Variants in SNTB1 observed in about 807,000 individuals in gnomAD.
The protein encoded by SNTB1 is syntrophin beta 1, also known as beta-1-syntrophin.
Under a neutral mutation model 48.9 loss-of-function variants are expected in SNTB1, and 36 were observed. The observed-to-expected ratio is 0.74, with a 90% CI of 0.56 to 0.97. SNTB1 has a LOEUF of 0.97. Ranked by LOEUF, SNTB1 falls within the 50% of genes least tolerant of loss-of-function variation. The pLI is 0.00. For synonymous variants in SNTB1, 299 were observed against 294.6 expected (o/e 1.01, Z -0.15); for missense variants, 786 against 703.4 (o/e 1.12, Z -1.33).
intron 2 of SNTB1, among the ~76,000 whole-genome samples, chr8:120,649,899 C>T (rs1462403455): frequency 6.6e-5 from 10 of 152,162 alleles, no homozygotes; most frequent in Admixed American, 3.3e-4. Flanking sequence ...CTCGGAAAAG[C>T]GCAGTATTCG....
intron 1 of SNTB1, among the ~76,000 whole-genome samples, chr8:120,805,146 G>T (rs560256896): frequency 1.2e-4 from 18 of 152,260 alleles, no homozygotes; most frequent in African/African-American, 4.3e-4. Context: ...TAAAGGTGCG[G>T]TTCATCATCT....
chr8:120,758,142 G>C lies in SNTB1; in HGVS notation c.571+53131C>G, dbSNP rs563369837. Among the ~76,000 whole-genome samples, 5 of 152,280 alleles carry C rather than the reference G, an allele frequency of 3.3e-5. No homozygotes were observed. In the South Asian group the frequency reaches 1.0e-3, roughly 32 times the overall value. On this transcript the variant is annotated intron_variant, in intron 1 of 6. Coordinates refer to ENST00000517992, the MANE Select transcript of SNTB1 (RefSeq NM_021021.4). The stretch of plus-strand genomic sequence containing the variant: ...ATAGAGAAAAGGAAGGAGGGAAAAA[G>C]ATGAAAAATTAATTATTGATTTCCA...
In SNTB1 at chr8:120,538,418, A is replaced by G. The variant is rs984898474; in HGVS notation, c.*459T>C. The G allele has an allele frequency of 5.0e-6, 1 of 200,810 alleles. No individual in the cohort carries two copies. The highest frequency in any genetic ancestry group is 1.0e-4 in the East Asian group (1 of 9,764). The allele number at this position is 200,810 out of a possible 1,614,324, so 12.4% of individuals were successfully genotyped here. ...GTCAACTCAGCAAGAATTAGGAAAT[A>G]AATCACAATAAGAAAAGGGATCACT... is the stretch of plus-strand genomic sequence containing the variant. On this transcript the variant is annotated 3_prime_UTR_variant, in exon 7 of 7. Coordinates refer to ENST00000517992, the MANE Select transcript of SNTB1 (RefSeq NM_021021.4).
intron 2 of SNTB1, among the ~76,000 whole-genome samples, chr8:120,678,755 G>A (rs531679800): frequency 6.6e-6 from 1 of 152,030 alleles, no homozygotes; most frequent in South Asian, 2.1e-4. Context: ...GAGGCAGAAT[G>A]TAAATACAAT....
chr8:120,566,415 C>T (rs1815750049), intron 4 of SNTB1, among the ~76,000 whole-genome samples: 1 of 150,538 alleles, frequency 6.6e-6, no homozygotes, highest in Non-Finnish European at 1.5e-5. Context: ...CGTGAGAACA[C>T]AGCAACAGGC....
intron 1 of SNTB1, among the ~76,000 whole-genome samples, chr8:120,771,438 G>A (rs961538769): frequency 7.2e-5 from 11 of 152,172 alleles, no homozygotes; most frequent in South Asian, 2.1e-4. Context: ...TAGGAAAAAC[G>A]TATAAAAAAT....
chr8:120,689,220 C>T (rs1289673887), intron 2 of SNTB1, among the ~76,000 whole-genome samples: 1 of 152,144 alleles, frequency 6.6e-6, no homozygotes, highest in Non-Finnish European at 1.5e-5. Context: ...ACTACAGGCA[C>T]CTGTGTGTCA....
At position 120,811,748 on chromosome 8, in the gene SNTB1, A is replaced by G; in HGVS notation, c.96T>C (p.Asp32=). 1.3e-6 allele frequency: 2 copies of G among 1,546,454 alleles called. No individual in the cohort carries two copies. The highest frequency in any genetic ancestry group is 1.2e-5 in the South Asian group (1 of 82,870). Residue 32 remains aspartate, a synonymous_variant, in exon 1 of 7, where the codon GAT becomes GAC. Transcript: ENST00000517992. ...RSGLLEVLVR[D]RWHKVLVNLS... is the part of the protein sequence containing the mutation. ...AGTTCACCAGAACTTTGTGCCAGCG[A>G]TCCCGCACCAAAACTTCCAGCAGCC...
intron 1 of SNTB1, among the ~76,000 whole-genome samples, chr8:120,758,190 C>T (rs1041177129): frequency 6.6e-6 from 1 of 152,146 alleles, no homozygotes; most frequent in Non-Finnish European, 1.5e-5. Flanking sequence ...TATTTATATT[C>T]ACTCTTGAAA....
chr8:120,711,653 T>C (rs1818466279), intron 1 of SNTB1, among the ~76,000 whole-genome samples: 2 of 152,224 alleles, frequency 1.3e-5, no homozygotes, highest in Non-Finnish European at 2.9e-5. Flanking sequence ...CTTTTTCTTT[T>C]CTGTTCAACG....
chr8:120,541,889 G>A lies in SNTB1; in HGVS notation c.1445C>T (p.Pro482Leu), dbSNP rs373776394. 62 of 1,613,872 alleles carry A rather than the reference G, an allele frequency of 3.8e-5. No homozygotes were observed. Among genetic ancestry groups the A allele is most frequent in the Non-Finnish European group, 4.8e-5 (57 of 1,179,926 alleles). ...GAFPKTIIQSPYEKLKMSSDD... is the reference protein window; with the variant it reads ...GAFPKTIIQSLYEKLKMSSDD... ...TGAAGACATTTTGAGCTTTTCATAA[G>A]GAGACTGTATGATGGTCTTGGGAAA... The change falls in exon 6 of 7, where the codon CCT becomes CTT. Residue 482 changes from proline (P) to leucine (L), a missense_variant. Transcript: ENST00000517992.
At chr8:120,586,561 G>A (rs938487133) in intron 3 of SNTB1, among the ~76,000 whole-genome samples, 2 of 152,070 alleles carry the variant, frequency 1.3e-5, no homozygotes, top group Admixed American at 1.3e-4. Context: ...CCTCTTATAA[G>A]GACACTTGTG....
intron 4 of SNTB1, among the ~76,000 whole-genome samples, chr8:120,569,453 A>G (rs1048080287): frequency 6.6e-6 from 1 of 152,170 alleles, no homozygotes; most frequent in African/African-American, 2.4e-5. Flanking sequence ...GCTCCACTCA[A>G]ACCTCTTCAG....
intron 1 of SNTB1, among the ~76,000 whole-genome samples, chr8:120,713,465 C>A (rs1818500865): frequency 6.6e-6 from 1 of 152,178 alleles, no homozygotes; most frequent in South Asian, 2.1e-4. Flanking sequence ...GGCATGGTGG[C>A]TCATGCCTGT....
At chr8:120,798,864 T>C (rs1820167329) in intron 1 of SNTB1, among the ~76,000 whole-genome samples, 1 of 152,040 alleles carries the variant, frequency 6.6e-6, no homozygotes, top group South Asian at 2.1e-4. Context: ...ATAAGGAATG[T>C]GATTATGATG....
chr8:120,584,497 A>T (rs764358086), intron 3 of SNTB1, among the ~76,000 whole-genome samples: 35 of 151,866 alleles, frequency 2.3e-4, no homozygotes, highest in Admixed American at 1.6e-3. Context: ...AAGAGAAAAA[A>T]GTTTAGGGAA....
rs969628949 is a variant in SNTB1, at chr8:120,541,965, T to C, written c.1369A>G (p.Ile457Val). 6.2e-6 allele frequency: 10 copies of C among 1,613,798 alleles called. No homozygotes were observed. The highest frequency in any genetic ancestry group is 2.7e-5 in the African/African-American group (2 of 74,878). Residue 457 changes from isoleucine (I) to valine (V), a missense_variant, in exon 6 of 7, where the codon ATA becomes GTA. Physicochemically the swap from Ile to Val is conservative, Grantham distance 29. Coordinates refer to ENST00000517992, the MANE Select transcript of SNTB1 (RefSeq NM_021021.4). Reference protein sequence around the residue: ...TYKNQECRLTIHYENGFSITT... With the variant: ...TYKNQECRLTVHYENGFSITT... ...ATAGAAAATCCATTCTCATAATGTA[T>C]GGTCAAACGGCACTCCTGGTTTTTG...
chr8:120,714,028 G>A (rs1818512608), intron 1 of SNTB1, among the ~76,000 whole-genome samples: 1 of 152,172 alleles, frequency 6.6e-6, no homozygotes, highest in Non-Finnish European at 1.5e-5. Context: ...TTTGGAGTAA[G>A]GGGTTCATTA....
intron 1 of SNTB1, among the ~76,000 whole-genome samples, chr8:120,696,327 T>C (rs1818209333): frequency 6.6e-6 from 1 of 152,154 alleles, no homozygotes; most frequent in Admixed American, 6.5e-5. Context: ...AAAGTAGAGA[T>C]AAGAACAATA....
Sources: allele counts gnomAD v4.1 joint callset (sites outside exome capture counted in the v4.1 genomes callset), GRCh38; gene constraint gnomAD v4.1.1; transcripts MANE v1.5; gene names NCBI Gene and HGNC (gene_info 2026-07-23, HGNC 2026-07-21).